RALYL: variants seen among roughly 807,000 people sequenced by gnomAD.
RALYL encodes RNA-binding Raly-like protein.
In RALYL, 29 loss-of-function variants were observed where a neutral mutation model predicts 35.1. That is an observed-to-expected ratio of 0.83 (90% CI 0.61 to 1.13). RALYL has a LOEUF of 1.13. RALYL is among the 50% of genes most tolerant of loss of function. The pLI, the probability that RALYL is intolerant of heterozygous loss-of-function variation, is 0.00. For missense variants in RALYL, 359 were observed against 360.4 expected, an observed-to-expected ratio of 1.00 and a Z score of 0.03; for synonymous variants, 120 against 127.6, an observed-to-expected ratio of 0.94 and a Z score of 0.40.
chr8:84,811,085 A>ACTT (rs1036155833), intron 4 of RALYL, among the ~76,000 whole-genome samples: 6 of 151,286 alleles, frequency 4.0e-5, no homozygotes, highest in Non-Finnish European at 8.9e-5. Context: ...TTTCTTTTTA[A>ACTT]CTTATACTTT....
At chr8:84,864,840 T>C (rs1391536105) in intron 6 of RALYL, 1 of 551,462 alleles carries the variant, frequency 1.8e-6, no homozygotes, top group Non-Finnish European at 3.4e-6. Context: ...GTCAGTCACA[T>C]CCCAGAGAGT....
chr8:84,241,639 T>C (rs895056214), intron 1 of RALYL, among the ~76,000 whole-genome samples: 2 of 151,698 alleles, frequency 1.3e-5, no homozygotes, highest in South Asian at 4.2e-4. Flanking sequence ...CTAGCCGGGC[T>C]TGGGGGTGCG....
chr8:84,874,584 G>A (rs1840791180), intron 7 of RALYL, among the ~76,000 whole-genome samples: 1 of 152,178 alleles, frequency 6.6e-6, no homozygotes, highest in South Asian at 2.1e-4. Flanking sequence ...ACACACAGGA[G>A]CCTGTCAGTT....
At position 84,468,789 on chromosome 8, in the gene RALYL, C is replaced by T. The variant is rs1050389528; in HGVS notation, c.-23-60510C>T. ...ATCACTTTCAGGTACACCAATCAGA[C>T]GTAGATTTGGTCTTTTCACATAGTC... On this transcript the variant is annotated intron_variant, in intron 1 of 8. Transcript: ENST00000521268. Among the ~76,000 whole-genome samples, 10 of 152,150 alleles carry T rather than the reference C, an allele frequency of 6.6e-5. No homozygotes were observed. The East Asian group carries it at 7.7e-4, about 12-fold the overall frequency.
At position 84,554,708 on chromosome 8, in the gene RALYL, A is replaced by G. The variant is rs1588148082; in HGVS notation, c.256+25131A>G. Among the ~76,000 whole-genome samples the G allele has an allele frequency of 1.3e-5, 2 of 152,236 alleles. 1 individual carries two copies. On this transcript the variant is annotated intron_variant, in intron 2 of 8. Coordinates refer to ENST00000521268, the MANE Select transcript of RALYL (RefSeq NM_173848.7). ...TTTCCATATCACAAACCAAATACCA[A>G]TCATTCGAATTCCCATTTCAGCAGG...
intron 2 of RALYL, among the ~76,000 whole-genome samples, chr8:84,590,516 G>A (rs1225081345): frequency 1.3e-5 from 2 of 152,200 alleles, no homozygotes; most frequent in Admixed American, 6.5e-5. Context: ...TGTGAAATGA[G>A]TGACTGAATG....
intron 2 of RALYL, among the ~76,000 whole-genome samples, chr8:84,715,744 C>T (rs192523947): frequency 7.7e-4 from 117 of 152,064 alleles, no homozygotes; most frequent in Non-Finnish European, 1.3e-3. Context: ...TTGGCATAAC[C>T]TTTTGATTCA....
intron 1 of RALYL, among the ~76,000 whole-genome samples, chr8:84,436,044 A>G (rs948056548): frequency 6.6e-6 from 1 of 152,210 alleles, no homozygotes; most frequent in Non-Finnish European, 1.5e-5. Context: ...TCACCTCTAA[A>G]GAACATATTC....
At chr8:84,255,032 G>A (rs1434434066) in intron 1 of RALYL, among the ~76,000 whole-genome samples, 4 of 151,938 alleles carry the variant, frequency 2.6e-5, no homozygotes, top group Non-Finnish European at 5.9e-5. Context: ...GGGATTATGG[G>A]GTTACAATCA....
chr8:84,639,966 A>G (rs1297533915), intron 2 of RALYL, among the ~76,000 whole-genome samples: 1 of 151,956 alleles, frequency 6.6e-6, no homozygotes, highest in Non-Finnish European at 1.5e-5. Flanking sequence ...GCTGTCCAAA[A>G]CACAAATAGT....
chr8:84,391,173 C>T (rs7816160), intron 1 of RALYL, among the ~76,000 whole-genome samples: 4,301 of 151,948 alleles, frequency 0.028, 190 homozygotes, highest in African/African-American at 0.097. Flanking sequence ...ATTGCGTGGA[C>T]GACTCTTTCT....
intron 2 of RALYL, among the ~76,000 whole-genome samples, chr8:84,746,917 T>A (rs187682813): frequency 6.6e-6 from 1 of 151,870 alleles, no homozygotes; most frequent in Admixed American, 6.6e-5. Context: ...TTTATTAAAG[T>A]TATACATTCA....
chr8:84,458,382 A>G (rs1162855864), intron 1 of RALYL, among the ~76,000 whole-genome samples: 3 of 151,858 alleles, frequency 2.0e-5, no homozygotes, highest in Admixed American at 1.3e-4. Context: ...TCAAAATTAA[A>G]TCTTTTCAAC....
intron 7 of RALYL, among the ~76,000 whole-genome samples, chr8:84,874,554 C>A (rs530305270): frequency 1.3e-5 from 2 of 152,166 alleles, no homozygotes; most frequent in South Asian, 2.1e-4. Flanking sequence ...CTCATGGGGA[C>A]CTAGGGCCCC....
At chr8:84,415,205 GTT>G (rs33962115) in intron 1 of RALYL, among the ~76,000 whole-genome samples, 1 of 54,662 alleles carries the variant, frequency 1.8e-5, no homozygotes, top group African/African-American at 5.2e-5. Flanking sequence ...GCAGACACTC[GTT>G]TTTTTTTTTT....
At chr8:84,704,389 T>TACTCCACA (rs1840764837) in intron 2 of RALYL, among the ~76,000 whole-genome samples, 1 of 151,472 alleles carries the variant, frequency 6.6e-6, no homozygotes, top group South Asian at 2.1e-4. Context: ...CGCACAACTG[T>TACTCCACA]ACTCCAGCCT....
At chr8:84,834,598 C>A (rs1263463590) in intron 4 of RALYL, among the ~76,000 whole-genome samples, 1 of 152,118 alleles carries the variant, frequency 6.6e-6, no homozygotes, top group Non-Finnish European at 1.5e-5. Context: ...CCCTGTACTG[C>A]CAAACTTTAA....
chr8:84,361,791 C>T (rs73296866), intron 1 of RALYL, among the ~76,000 whole-genome samples: 4 of 152,028 alleles, frequency 2.6e-5, no homozygotes, highest in Admixed American at 6.6e-5. Context: ...AGAACAATCA[C>T]GAAGAGAACT....
At chr8:84,512,153 C>A (rs1183861367) in intron 1 of RALYL, among the ~76,000 whole-genome samples, 1 of 151,862 alleles carries the variant, frequency 6.6e-6, no homozygotes, top group Non-Finnish European at 1.5e-5. Flanking sequence ...ATTTGTATTC[C>A]CCCCAATAGT....
Sources: gnomAD v4.1 joint callset for allele counts (sites outside exome capture counted in the v4.1 genomes callset) on GRCh38, gnomAD v4.1.1 for gene constraint, MANE v1.5 for transcripts, NCBI Gene and HGNC (gene_info 2026-07-23, HGNC 2026-07-21) for gene names.